Variants in TINAG observed in about 807,000 individuals in gnomAD.
The protein encoded by TINAG is tubulointerstitial nephritis antigen.
A neutral mutation model predicts 72.7 loss-of-function variants in TINAG; 83 were observed. The observed-to-expected ratio is 1.14, with a 90% CI of 0.96 to 1.37. TINAG has a LOEUF of 1.37. Ranked by LOEUF, TINAG falls within the 40% of genes most tolerant of loss-of-function variation. TINAG has a pLI of 0.00. For missense variants in TINAG, 685 were observed against 576.6 expected, an observed-to-expected ratio of 1.19 and a Z score of -1.93; for synonymous variants, 234 against 189.9, an observed-to-expected ratio of 1.23 and a Z score of -1.91.
intron 1 of TINAG, among the ~76,000 whole-genome samples, chr6:54,310,076 C>CATGTGTGTGTGT (rs1554200972): frequency 7.8e-6 from 1 of 127,650 alleles, no homozygotes; most frequent in African/African-American, 3.1e-5. Context: ...CTTTTTTTTC[C>CATGTGTGTGTGT]GTGTGTGTGT....
At chr6:54,328,273 G>A (rs1055595047) in intron 4 of TINAG, among the ~76,000 whole-genome samples, 15 of 152,066 alleles carry the variant, frequency 9.9e-5, no homozygotes, top group African/African-American at 3.6e-4. Flanking sequence ...AGAGGAAGGA[G>A]CAGGCAGCAA....
rs564798970 is a variant in TINAG at position 54,342,102 on chromosome 6, T to C, written c.625-1124T>C. ...GTGTGTGAGAACACATATACACAAC[T>C]GATGAAAAACTAATAAACAAATCGT... On this transcript the variant is annotated intron_variant, in intron 4 of 10. Transcript: ENST00000259782. 6.6e-5 allele frequency among the ~76,000 whole-genome samples: 10 copies of C among 152,134 alleles called. No homozygotes were observed. In the South Asian group the frequency reaches 1.9e-3, roughly 28 times the overall value.
chr6:54,383,913 T>C (rs1185297272), intron 10 of TINAG, among the ~76,000 whole-genome samples: 2 of 152,170 alleles, frequency 1.3e-5, no homozygotes, highest in South Asian at 2.1e-4. Flanking sequence ...CACATGTTTA[T>C]TGCAGCACTG....
At chr6:54,313,198 T>A (rs542305631) in intron 1 of TINAG, among the ~76,000 whole-genome samples, 1 of 152,336 alleles carries the variant, frequency 6.6e-6, no homozygotes, top group South Asian at 2.1e-4. Context: ...TTTTGTCATG[T>A]TGGTATGATC....
chr6:54,354,719 A>G, intron 9 of TINAG, 83 bp downstream of exon 9: 1 of 1,392,302 alleles, frequency 7.2e-7, no homozygotes, highest in Non-Finnish European at 9.8e-7. Flanking sequence ...AAATGCTAGA[A>G]TCCCCTTTGT....
At chr6:54,365,135 G>A (rs1459037507) in intron 9 of TINAG, among the ~76,000 whole-genome samples, 1 of 151,532 alleles carries the variant, frequency 6.6e-6, no homozygotes, top group Non-Finnish European at 1.5e-5. Flanking sequence ...GCATGGGGAA[G>A]TCTAAGACAG....
intron 4 of TINAG, among the ~76,000 whole-genome samples, chr6:54,332,808 A>T (rs970807291): frequency 6.6e-6 from 1 of 152,230 alleles, no homozygotes; most frequent in Non-Finnish European, 1.5e-5. Flanking sequence ...TGGGCAAAGG[A>T]CATGAACAGA....
chr6:54,366,254 ATGTGTGTGTGTG>A, intron 9 of TINAG, among the ~76,000 whole-genome samples: 1 of 148,012 alleles, frequency 6.8e-6, no homozygotes, highest in South Asian at 2.1e-4. Context: ...ACGTACGTGT[ATGTGTGTGTGTG>A]TGTGTGTGTG....
intron 1 of TINAG, among the ~76,000 whole-genome samples, chr6:54,316,357 A>C (rs1199258468): frequency 6.6e-6 from 1 of 152,174 alleles, no homozygotes; most frequent in Admixed American, 6.6e-5. Context: ...AATTTAACCA[A>C]TGGGAGCCAA....
chr6:54,313,600 C>G (rs898170742), intron 1 of TINAG, among the ~76,000 whole-genome samples: 2 of 152,062 alleles, frequency 1.3e-5, no homozygotes, highest in Non-Finnish European at 2.9e-5. Context: ...TTTAATTATA[C>G]AGCAGCTTCT....
chr6:54,317,564 T>C (rs924329404), intron 1 of TINAG, among the ~76,000 whole-genome samples: 1 of 152,184 alleles, frequency 6.6e-6, no homozygotes, highest in Non-Finnish European at 1.5e-5. Context: ...TCCTCAGCCA[T>C]GTGGAACTGT....
chr6:54,316,051 C>T (rs1021132902), intron 1 of TINAG, among the ~76,000 whole-genome samples: 1 of 152,172 alleles, frequency 6.6e-6, no homozygotes, highest in African/African-American at 2.4e-5. Flanking sequence ...ATGAAATCTC[C>T]AGTTCCTGTC....
At chr6:54,329,965 T>A (rs559512733) in intron 4 of TINAG, among the ~76,000 whole-genome samples, 1 of 152,082 alleles carries the variant, frequency 6.6e-6, no homozygotes, top group African/African-American at 2.4e-5. Context: ...GCACCCAGAT[T>A]CATAAAGCAA....
At chr6:54,356,270 C>T (rs1763039620) in intron 9 of TINAG, among the ~76,000 whole-genome samples, 1 of 151,864 alleles carries the variant, frequency 6.6e-6, no homozygotes, top group Non-Finnish European at 1.5e-5. Flanking sequence ...TGTGGTGGCT[C>T]ATGCTTGTAA....
chr6:54,360,269 C>T (rs1409533622), intron 9 of TINAG, among the ~76,000 whole-genome samples: 1 of 151,630 alleles, frequency 6.6e-6, no homozygotes, highest in African/African-American at 2.4e-5. Context: ...ACTCTGTCAT[C>T]CCCATTTTGA....
rs200219190 is a variant in TINAG, at chr6:54,309,885, CA to C, written c.355+982del. ...ATCCAGATGCCATAGCCATCATTCT[CA>C]ATAATGTCATCTTGTTTGTAAAATT... On this transcript the variant is annotated intron_variant, in intron 1 of 10. Transcript: ENST00000259782. Among the ~76,000 whole-genome samples, 672 of 150,592 alleles carry C rather than the reference CA, an allele frequency of 4.5e-3. 12 individuals carry two copies. The highest frequency in any genetic ancestry group is 0.031 in the Admixed American group (472 of 15,096).
chr6:54,370,682 C>T (rs754711647), intron 9 of TINAG, among the ~76,000 whole-genome samples: 1 of 152,044 alleles, frequency 6.6e-6, no homozygotes, highest in Non-Finnish European at 1.5e-5. Flanking sequence ...AGAGGTCCCA[C>T]AGGACTGTTG....
chr6:54,379,916 G>A (rs1227265739), intron 9 of TINAG, among the ~76,000 whole-genome samples: 1 of 151,968 alleles, frequency 6.6e-6, no homozygotes, highest in African/African-American at 2.4e-5. Context: ...TTCTCCTAAT[G>A]CTATCCCTCC....
Position 54,380,515 on chromosome 6 carries a change from AT to A in TINAG, c.1251-9del. The A allele has an allele frequency of 6.2e-7, 1 of 1,606,104 alleles. No homozygotes were observed. The highest frequency in any genetic ancestry group is 8.5e-7 in the Non-Finnish European group (1 of 1,175,410). On this transcript the variant is annotated splice_polypyrimidine_tract_variant and intron_variant, in intron 9 of 10. Transcript: ENST00000259782. ...AACCATACCAATCTTTATTATTGTT[AT>A]TAATTGTAGATGGGGCACACTGAGA...
Sources: allele counts gnomAD v4.1 joint callset (sites outside exome capture counted in the v4.1 genomes callset), GRCh38; gene constraint gnomAD v4.1.1; transcripts MANE v1.5; gene names NCBI Gene and HGNC (gene_info 2026-07-23, HGNC 2026-07-21).